The following FRMD4B variants were observed in gnomAD, a reference collection of about 807,000 sequenced individuals.
FRMD4B encodes the protein FERM domain-containing protein 4B.
FRMD4B carries 74 observed loss-of-function variants against 141.5 expected under a neutral mutation model. The ratio of observed to expected loss-of-function variants is 0.52; its 90% CI spans 0.43 to 0.63. The LOEUF is 0.63. Among genes scored for constraint, FRMD4B ranks in the 30% least tolerant of loss-of-function variants. The pLI is 0.00. For synonymous variants in FRMD4B, 506 were observed against 467.9 expected (o/e 1.08, Z -1.05); for missense variants, 1,366 against 1,253.4 (o/e 1.09, Z -1.36).
At chr3:69,218,280 C>T in intron 10 of FRMD4B, 42 bp downstream of exon 10, 2 of 966,890 alleles carry the variant, frequency 2.1e-6, no homozygotes. Context: ...TGTGCAATAA[C>T]TCTCAATCAT....
Position 69,218,366 on chromosome 3 carries a change from C to G in FRMD4B, c.745G>C (p.Val249Leu). 1 of 1,452,302 alleles carries G rather than the reference C, an allele frequency of 6.9e-7. No homozygotes were observed. Among genetic ancestry groups the G allele is most frequent in the Non-Finnish European group, 9.6e-7 (1 of 1,038,416 alleles). 90.0% of individuals were successfully genotyped at this position (1,452,302 alleles called of 1,614,324 possible). Residue 249 changes from valine to leucine, a missense_variant, in exon 10 of 23, where the codon GTA becomes CTA. Coordinates refer to ENST00000398540, the MANE Select transcript of FRMD4B (RefSeq NM_015123.3). ...GQAVVQYMKI[V>L]EALPTYGVHY... ...ACACCGTAAGTCGGTAGAGCTTCTA[C>G]TATTTTCATATACCTATGGAAAATA...
chr3:69,390,262 A>G (rs558679210), upstream of FRMD4B, among the ~76,000 whole-genome samples: 78 of 152,228 alleles, frequency 5.1e-4, no homozygotes, highest in African/African-American at 1.8e-3. Flanking sequence ...GTCTGTGGTC[A>G]TTTTTCAGCT....
At chr3:69,511,997 G>A (rs993983869) in intron 1 of FRMD4B, among the ~76,000 whole-genome samples, 4 of 152,208 alleles carry the variant, frequency 2.6e-5, no homozygotes, top group Admixed American at 2.6e-4. Context: ...ATGATGCTAA[G>A]AGGAGGCAAT....
At chr3:69,521,215 C>T (rs1700848793) in intron 1 of FRMD4B, among the ~76,000 whole-genome samples, 1 of 152,142 alleles carries the variant, frequency 6.6e-6, no homozygotes, top group South Asian at 2.1e-4. Context: ...GGGGTCTGGC[C>T]AGGCCCTACG....
intron 7 of FRMD4B, among the ~76,000 whole-genome samples, chr3:69,243,475 C>T (rs1575650245): frequency 6.6e-6 from 1 of 152,054 alleles, no homozygotes; most frequent in African/African-American, 2.4e-5. Context: ...CCAAATATGG[C>T]CTTGAATGCC....
chr3:69,392,865 C>G (rs961628375), intron 2 of FRMD4B, among the ~76,000 whole-genome samples: 2 of 152,084 alleles, frequency 1.3e-5, no homozygotes, highest in African/African-American at 4.8e-5. Context: ...TTCAATGCCA[C>G]TCGAGCCAGA....
intron 7 of FRMD4B, 114 bp downstream of exon 7, chr3:69,249,112 T>C: frequency 1.5e-6 from 1 of 662,714 alleles, no homozygotes; most frequent in Non-Finnish European, 2.6e-6. Flanking sequence ...CTCAGTCTCC[T>C]GCCTTACAGA....
At chr3:69,358,049 T>C (rs1703375344) in intron 1 of FRMD4B, among the ~76,000 whole-genome samples, 1 of 152,188 alleles carries the variant, frequency 6.6e-6, no homozygotes, top group Admixed American at 6.5e-5. Flanking sequence ...AGAAGAGTAA[T>C]CACTTTATTT....
At chr3:69,345,012 C>T (rs1019078807) in intron 1 of FRMD4B, among the ~76,000 whole-genome samples, 53 of 151,966 alleles carry the variant, frequency 3.5e-4, no homozygotes, top group Non-Finnish European at 6.9e-4. Flanking sequence ...TGCAGCCCAC[C>T]GAGAGTGAGC....
intron 1 of FRMD4B, among the ~76,000 whole-genome samples, chr3:69,364,892 C>T (rs893721634): frequency 2.0e-5 from 3 of 152,002 alleles, no homozygotes; most frequent in African/African-American, 7.3e-5. Context: ...AAATAAAGGC[C>T]TTGGTGATTC....
At position 69,478,781 on chromosome 3, in the gene FRMD4B, A is replaced by G. The variant is rs772943041; in HGVS notation, c.-128-46020T>C. On this transcript the variant is annotated intron_variant, in intron 1 of 5. Transcript: ENST00000459638. ...TCCTTGTTAACTTTCTGTCTCGTTG[A>G]TCTGTCTAAAGTTGACAGTGGGGTG... 1.6e-3 allele frequency among the ~76,000 whole-genome samples: 242 copies of G among 152,142 alleles called. 1 individual carries two copies. The highest frequency in any genetic ancestry group is 2.9e-3 in the Non-Finnish European group (195 of 68,002).
chr3:69,233,761 G>A (rs1672419939), intron 7 of FRMD4B, among the ~76,000 whole-genome samples: 2 of 152,096 alleles, frequency 1.3e-5, no homozygotes, highest in South Asian at 2.1e-4. Context: ...TGTGTCCCAG[G>A]CAAACCAAAG....
At chr3:69,183,411 A>C (rs1324742425) in intron 19 of FRMD4B, among the ~76,000 whole-genome samples, 1 of 152,054 alleles carries the variant, frequency 6.6e-6, no homozygotes, top group Non-Finnish European at 1.5e-5. Flanking sequence ...CCCTGGACTA[A>C]GAACAACAGC....
chr3:69,180,623 AC>A (rs566655772), intron 21 of FRMD4B, among the ~76,000 whole-genome samples: 89 of 152,108 alleles, frequency 5.9e-4, no homozygotes, highest in Admixed American at 1.0e-3. Flanking sequence ...ACAAAAAAAA[AC>A]CCTAAAACAG....
At chr3:69,193,337 T>C (rs1474669828) in intron 17 of FRMD4B, among the ~76,000 whole-genome samples, 1 of 152,060 alleles carries the variant, frequency 6.6e-6, no homozygotes, top group Admixed American at 6.5e-5. Flanking sequence ...GGTGAAACCC[T>C]ATCTCTACCA....
chr3:69,445,671 T>G (rs1446681670), intron 1 of FRMD4B, among the ~76,000 whole-genome samples: 1 of 152,206 alleles, frequency 6.6e-6, no homozygotes, highest in Non-Finnish European at 1.5e-5. Context: ...AAGTCCATTC[T>G]CACTGCAGGG....
At chr3:69,423,278 C>T (rs192002107) in intron 2 of FRMD4B, among the ~76,000 whole-genome samples, 5 of 152,134 alleles carry the variant, frequency 3.3e-5, no homozygotes, top group African/African-American at 7.2e-5. Flanking sequence ...CCTCCCAAAG[C>T]GCTGCAATTA....
chr3:69,254,993 A>C (rs149939682), intron 5 of FRMD4B, among the ~76,000 whole-genome samples: 9 of 152,322 alleles, frequency 5.9e-5, no homozygotes, highest in African/African-American at 2.2e-4. Flanking sequence ...AAGAGGTTCC[A>C]ACGTACAGGA....
At chr3:69,501,883 A>G (rs1706503190) in intron 1 of FRMD4B, among the ~76,000 whole-genome samples, 1 of 152,176 alleles carries the variant, frequency 6.6e-6, no homozygotes, top group African/African-American at 2.4e-5. Context: ...CTTATACACC[A>G]AAAACAGACA....
Sources: allele counts gnomAD v4.1 joint callset (sites outside exome capture counted in the v4.1 genomes callset), GRCh38; gene constraint gnomAD v4.1.1; transcripts MANE v1.5; gene names NCBI Gene and HGNC (gene_info 2026-07-23, HGNC 2026-07-21).